The following CCNB2 variants were observed in gnomAD, a reference collection of about 807,000 sequenced individuals.
CCNB2 encodes the protein cyclin B2.
Under a neutral mutation model 51.1 loss-of-function variants are expected in CCNB2, and 39 were observed. The observed-to-expected ratio is 0.76, with a 90% CI of 0.59 to 1.00. The LOEUF is 1.00. Among genes scored for constraint, CCNB2 ranks in the 50% least tolerant of loss-of-function variants. CCNB2 has a pLI of 0.00. For missense variants in CCNB2, 472 were observed against 470.3 expected (o/e 1.00, Z -0.03); for synonymous variants, 174 against 165.5 (o/e 1.05, Z -0.40).
intron 7 of CCNB2, among the ~76,000 whole-genome samples, chr15:59,122,566 G>T (rs560578945): frequency 5.1e-4 from 76 of 147,886 alleles, no homozygotes; most frequent in Non-Finnish European, 8.9e-4. Flanking sequence ...TTGAGACAGG[G>T]TCTCACTGTG....
chr15:59,121,087 A>G (rs916483169), intron 7 of CCNB2: 3 of 152,268 alleles, frequency 2.0e-5, no homozygotes, highest in African/African-American at 7.2e-5. Flanking sequence ...GAATGGTGTT[A>G]TGGATAGGTA....
At chr15:59,124,610 A>C in intron 8 of CCNB2, 157 bp from the exon 9 acceptor site, 1 of 643,180 alleles carries the variant, frequency 1.6e-6, no homozygotes, top group Non-Finnish European at 2.8e-6. Context: ...GGTCAGGCAC[A>C]TGTTATGAGC....
Position 59,116,788 on chromosome 15 carries a change from C to G in CCNB2, c.696C>G (p.Asp232Glu). The G allele has an allele frequency of 6.2e-7, 1 of 1,614,008 alleles. No homozygotes were observed. Among genetic ancestry groups the G allele is most frequent in the African/African-American group, 1.3e-5 (1 of 75,064 alleles). The part of the protein sequence containing the change: ...YEEMFSPNIE[D>E]FVYITDNAYT... Reference sequence around the variant, plus strand: ...AGATGTTTTCTCCAAATATTGAAGACTTTGTTTACATCACAGACAATGCTT... The same window carrying G: ...AGATGTTTTCTCCAAATATTGAAGAGTTTGTTTACATCACAGACAATGCTT... Residue 232 changes from aspartate (D) to glutamate (E), a missense_variant, in exon 6 of 9, where the codon GAC becomes GAG. Coordinates refer to ENST00000288207, the MANE Select transcript of CCNB2 (RefSeq NM_004701.4).
At position 59,114,886 on chromosome 15, in the gene CCNB2, G is replaced by C; in HGVS notation, c.597+10G>C. The C allele has an allele frequency of 1.2e-6, 2 of 1,606,386 alleles. No individual in the cohort carries two copies. The highest frequency in any genetic ancestry group is 1.7e-6 in the Non-Finnish European group (2 of 1,174,098). On this transcript the variant is annotated intron_variant, in intron 5 of 8. Coordinates refer to ENST00000288207, the MANE Select transcript of CCNB2 (RefSeq NM_004701.4). ...GGATCGATTTTTACAGGTAGGTGTGGCTTCAGGGACTTCACGCCAGTGGCT... is the reference window on the plus strand; with the variant it reads ...GGATCGATTTTTACAGGTAGGTGTGCCTTCAGGGACTTCACGCCAGTGGCT...
intron 5 of CCNB2, among the ~76,000 whole-genome samples, 200 bp from the exon 6 acceptor site, chr15:59,116,490 A>C (rs2079279178): frequency 9.0e-6 from 1 of 111,058 alleles, no homozygotes; most frequent in Non-Finnish European, 2.0e-5. Context: ...AATATGTTAG[A>C]ATCTTAGCAC....
chr15:59,123,276 C>G (rs1267267580), intron 7 of CCNB2, among the ~76,000 whole-genome samples: 1 of 152,162 alleles, frequency 6.6e-6, no homozygotes, highest in Non-Finnish European at 1.5e-5. Context: ...TCGTATGGGA[C>G]CTTTGGCACT....
chr15:59,109,546 T>G (rs2079249724), intron 3 of CCNB2, among the ~76,000 whole-genome samples: 1 of 152,212 alleles, frequency 6.6e-6, no homozygotes, highest in South Asian at 2.1e-4. Flanking sequence ...CTTGTAACAT[T>G]AAGTGGAAAA....
chr15:59,117,154 A>T, intron 6 of CCNB2, 74 bp from the exon 7 acceptor site: 1 of 1,456,946 alleles, frequency 6.9e-7, no homozygotes, highest in Non-Finnish European at 9.5e-7. Context: ...TGGAGTTCCT[A>T]GGCCTTCACG....
At chr15:59,110,488 C>T (rs556290030) in intron 3 of CCNB2, among the ~76,000 whole-genome samples, 1 of 152,342 alleles carries the variant, frequency 6.6e-6, no homozygotes, top group Non-Finnish European at 1.5e-5. Flanking sequence ...TCTGGTCAGC[C>T]TTCTGGCTTT....
intron 7 of CCNB2, among the ~76,000 whole-genome samples, chr15:59,118,925 G>A (rs971972972): frequency 1.6e-4 from 24 of 152,148 alleles, no homozygotes; most frequent in African/African-American, 5.6e-4. Flanking sequence ...CCTAAACAAT[G>A]TATATTGTAG....
chr15:59,120,179 A>G (rs1210654852), intron 7 of CCNB2, among the ~76,000 whole-genome samples: 1 of 152,220 alleles, frequency 6.6e-6, no homozygotes, highest in Non-Finnish European at 1.5e-5. Context: ...TAGTGCCCAC[A>G]TCTTGGATAC....
At chr15:59,111,738 G>C (rs1252427677) in intron 3 of CCNB2, among the ~76,000 whole-genome samples, 3 of 151,884 alleles carry the variant, frequency 2.0e-5, no homozygotes, top group Non-Finnish European at 4.4e-5. Context: ...GCTTTTGCCT[G>C]TTCATCTTCC....
In CCNB2 at chr15:59,105,234, G is replaced by A; in HGVS notation, c.-35G>A. 1 of 1,553,782 alleles carries A rather than the reference G, an allele frequency of 6.4e-7. No homozygotes were observed. Among genetic ancestry groups the A allele is most frequent in the South Asian group, 1.2e-5 (1 of 84,446 alleles). ...CCCTTTTCAGTCCGCGTCCCTCCCTGGGCCGGGCTGGCACTCTTGCCTTCC... is the reference window on the plus strand; with the variant it reads ...CCCTTTTCAGTCCGCGTCCCTCCCTAGGCCGGGCTGGCACTCTTGCCTTCC... On this transcript the variant is annotated 5_prime_UTR_variant, in exon 1 of 9. Transcript: ENST00000288207.
intron 3 of CCNB2, among the ~76,000 whole-genome samples, chr15:59,108,898 C>T (rs1396379846): frequency 6.6e-6 from 1 of 152,150 alleles, no homozygotes; most frequent in African/African-American, 2.4e-5. Flanking sequence ...AAAAAGCCTT[C>T]CCTAGAAGGT....
chr15:59,106,775 C>A (rs2079237250), intron 1 of CCNB2, among the ~76,000 whole-genome samples: 1 of 152,092 alleles, frequency 6.6e-6, no homozygotes, highest in Admixed American at 6.6e-5. Flanking sequence ...AGCTGTAGTT[C>A]TAAAAGATCA....
At chr15:59,112,486 A>C (rs539128933) in intron 3 of CCNB2, among the ~76,000 whole-genome samples, 2 of 151,980 alleles carry the variant, frequency 1.3e-5, no homozygotes, top group Non-Finnish European at 2.9e-5. Flanking sequence ...CTGGGATTAC[A>C]GGTGTGTGAC....
intron 7 of CCNB2, 44 bp from the exon 8 acceptor site, chr15:59,123,473 C>G (rs765198296): frequency 3.5e-6 from 4 of 1,147,112 alleles, no homozygotes; most frequent in Non-Finnish European, 5.3e-6. Flanking sequence ...GAGGTTTTCT[C>G]TTGCCCCTCA....
chr15:59,113,193 C>T (rs1308137926), intron 3 of CCNB2, among the ~76,000 whole-genome samples: 3 of 152,156 alleles, frequency 2.0e-5, no homozygotes, highest in South Asian at 2.1e-4. Flanking sequence ...GCTCAGTCTT[C>T]GCTCCCTTCT....
intron 7 of CCNB2, among the ~76,000 whole-genome samples, chr15:59,121,860 A>T (rs975421662): frequency 1.4e-5 from 2 of 144,152 alleles, no homozygotes; most frequent in Non-Finnish European, 3.0e-5. Flanking sequence ...TAAACCCGGA[A>T]GGTAGACGTT....
Sources: allele counts gnomAD v4.1 joint callset (sites outside exome capture counted in the v4.1 genomes callset), GRCh38; gene constraint gnomAD v4.1.1; transcripts MANE v1.5; gene names NCBI Gene and HGNC (gene_info 2026-07-23, HGNC 2026-07-21).